ACSBG2: variants seen among roughly 807,000 people sequenced by gnomAD.
The protein encoded by ACSBG2 is long-chain-fatty-acid--CoA ligase ACSBG2.
A neutral mutation model predicts 74.7 loss-of-function variants in ACSBG2; 62 were observed. The observed-to-expected ratio is 0.83, with a 90% CI of 0.68 to 1.03. The LOEUF is 1.03. Ranked by LOEUF, ACSBG2 falls within the 50% of genes least tolerant of loss-of-function variation. The pLI is 0.00. For missense variants in ACSBG2, 730 were observed against 817.6 expected, an observed-to-expected ratio of 0.89 and a Z score of 1.31; for synonymous variants, 309 against 294.1, an observed-to-expected ratio of 1.05 and a Z score of -0.52.
At chr19:6,138,908 T>C (rs915048782) in intron 1 of ACSBG2, among the ~76,000 whole-genome samples, 1 of 152,088 alleles carries the variant, frequency 6.6e-6, no homozygotes, top group Non-Finnish European at 1.5e-5. Context: ...CAGAGGGGCC[T>C]TGGGCTTCCT....
chr19:6,170,565 G>A (rs1225762370), intron 7 of ACSBG2, among the ~76,000 whole-genome samples: 5 of 152,196 alleles, frequency 3.3e-5, no homozygotes, highest in Admixed American at 6.5e-5. Flanking sequence ...GGTTCCTCTT[G>A]GTATTGATTT....
At chr19:6,191,271 AG>A (rs2145301227) in intron 14 of ACSBG2, 1 of 151,622 alleles carries the variant, frequency 6.6e-6, no homozygotes, top group Non-Finnish European at 1.5e-5. Flanking sequence ...CTAGATGCAC[AG>A]TGCAGGCAGA....
chr19:6,150,375 G>T (rs2089194309), intron 3 of ACSBG2, among the ~76,000 whole-genome samples: 1 of 149,948 alleles, frequency 6.7e-6, no homozygotes, highest in African/African-American at 2.4e-5. Flanking sequence ...CCAGAGACAT[G>T]AAGAGTTATT....
intron 4 of ACSBG2, among the ~76,000 whole-genome samples, chr19:6,153,873 GAAAA>G (rs1346328555): frequency 3.4e-4 from 18 of 52,740 alleles, no homozygotes; most frequent in African/African-American, 1.2e-3. Flanking sequence ...GAAAAGAAAA[GAAAA>G]GAAAAGGAAA....
At chr19:6,186,287 TA>T (rs1389545643) in intron 11 of ACSBG2, among the ~76,000 whole-genome samples, 8 of 152,236 alleles carry the variant, frequency 5.3e-5, no homozygotes, top group African/African-American at 1.9e-4. Flanking sequence ...CTGTGATTTG[TA>T]GCACAAAAAC....
intron 8 of ACSBG2, among the ~76,000 whole-genome samples, chr19:6,181,377 G>T (rs1324681019): frequency 6.6e-6 from 1 of 150,994 alleles, no homozygotes; most frequent in Non-Finnish European, 1.5e-5. Context: ...AAAGGAGAAA[G>T]GAAAAAAATT....
intron 8 of ACSBG2, among the ~76,000 whole-genome samples, chr19:6,181,026 C>T (rs866166193): frequency 3.5e-4 from 52 of 148,690 alleles, no homozygotes; most frequent in African/African-American, 1.2e-3. Context: ...GGTGAAACTC[C>T]GTCTCCTCCG....
chr19:6,152,834 C>T (rs1468959845), intron 4 of ACSBG2, among the ~76,000 whole-genome samples: 1 of 151,988 alleles, frequency 6.6e-6, no homozygotes, highest in Admixed American at 6.6e-5. Flanking sequence ...ATGGGATTCT[C>T]GGTAATATTT....
intron 1 of ACSBG2, among the ~76,000 whole-genome samples, chr19:6,136,898 C>T (rs1477369627): frequency 6.6e-6 from 1 of 152,084 alleles, no homozygotes; most frequent in African/African-American, 2.4e-5. Context: ...CCCGGCCGAT[C>T]GTGTGATTTT....
chr19:6,183,370 T>G, intron 10 of ACSBG2, 98 bp downstream of exon 10: 1 of 982,924 alleles, frequency 1.0e-6, no homozygotes, highest in Non-Finnish European at 1.5e-6. Flanking sequence ...AGAGGAATCC[T>G]GACGTGGTGT....
intron 8 of ACSBG2, among the ~76,000 whole-genome samples, chr19:6,181,819 C>CA (rs943822700): frequency 1.6e-5 from 2 of 121,782 alleles, no homozygotes; most frequent in Non-Finnish European, 1.7e-5. Flanking sequence ...ACCCGCCCCC[C>CA]CCCCCAACGA....
intron 7 of ACSBG2, among the ~76,000 whole-genome samples, chr19:6,168,673 A>G (rs1040966262): frequency 1.3e-5 from 2 of 152,218 alleles, no homozygotes; most frequent in Non-Finnish European, 2.9e-5. Context: ...ACATTCTCCT[A>G]GCACAGGCAT....
intron 8 of ACSBG2, 25 bp downstream of exon 8, chr19:6,177,421 C>G: frequency 1.3e-6 from 2 of 1,550,188 alleles, no homozygotes. Context: ...GGACCTGGGG[C>G]TCCGACTTCA....
intron 14 of ACSBG2, chr19:6,191,482 G>C (rs1429524607): frequency 1.3e-5 from 2 of 152,200 alleles, no homozygotes; most frequent in Non-Finnish European, 2.9e-5. Context: ...AGGCTGGCTG[G>C]CTTGGTTCCT....
chr19:6,178,958 G>A (rs2090165481), intron 8 of ACSBG2, among the ~76,000 whole-genome samples: 2 of 152,218 alleles, frequency 1.3e-5, no homozygotes, highest in African/African-American at 4.8e-5. Flanking sequence ...GAGGCAAGGA[G>A]GCTGTGCTTT....
intron 7 of ACSBG2, among the ~76,000 whole-genome samples, chr19:6,168,543 T>G (rs1568239400): frequency 6.6e-6 from 1 of 152,174 alleles, no homozygotes. Context: ...CAGTGCCTGA[T>G]GAGCAGGAGG....
intron 1 of ACSBG2, 31 bp from the exon 2 acceptor site, chr19:6,141,482 C>A: frequency 8.8e-7 from 1 of 1,130,602 alleles, no homozygotes; most frequent in Non-Finnish European, 1.4e-6. Flanking sequence ...TTTGCCAATC[C>A]TGTTAAACTC....
At position 6,141,552 on chromosome 19, in the gene ACSBG2, A is replaced by G; in HGVS notation, c.9A>G (p.Gly3=). The G allele has an allele frequency of 6.2e-7, 1 of 1,611,424 alleles. No homozygotes were observed. The highest frequency in any genetic ancestry group is 8.5e-7 in the Non-Finnish European group (1 of 1,177,520). MT[G]TPKTQEGAKD... ...GTTTCTGCACACCTGGAATGACTGGAACCCCAAAGACTCAAGAAGGAGCTA... is the reference window on the plus strand; with the variant it reads ...GTTTCTGCACACCTGGAATGACTGGGACCCCAAAGACTCAAGAAGGAGCTA... Residue 3 remains glycine (G), a synonymous_variant, in exon 2 of 15, where the codon GGA becomes GGG. Coordinates refer to ENST00000588485, the MANE Select transcript of ACSBG2 (RefSeq NM_030924.5).
chr19:6,177,363 G>T lies in ACSBG2; in HGVS notation c.873G>T (p.Ala291=), dbSNP rs137857792. The part of the protein sequence containing the change: ...MDIWVPIKIG[A]LTYFAQADAL... ...TCTGGGTACCCATAAAGATTGGGGCGCTCACATACTTTGCTCAAGCAGATG... is the reference window on the plus strand; with the variant it reads ...TCTGGGTACCCATAAAGATTGGGGCTCTCACATACTTTGCTCAAGCAGATG... Residue 291 remains alanine (A), a synonymous_variant, in exon 8 of 15, where the codon GCG becomes GCT. Coordinates refer to ENST00000588485, the MANE Select transcript of ACSBG2 (RefSeq NM_030924.5). 9.3e-6 allele frequency: 15 copies of T among 1,607,228 alleles called. No homozygotes were observed. Among genetic ancestry groups the T allele is most frequent in the Non-Finnish European group, 1.2e-5 (14 of 1,177,326 alleles).
Sources: gnomAD v4.1 joint callset for allele counts (sites outside exome capture counted in the v4.1 genomes callset) on GRCh38, gnomAD v4.1.1 for gene constraint, MANE v1.5 for transcripts, NCBI Gene and HGNC (gene_info 2026-07-23, HGNC 2026-07-21) for gene names.